THSD4: variants seen among roughly 807,000 people sequenced by gnomAD.
THSD4 encodes the protein thrombospondin type-1 domain-containing protein 4.
In THSD4, 69 loss-of-function variants were observed where a neutral mutation model predicts 119.0. The ratio of observed to expected loss-of-function variants is 0.58; its 90% CI spans 0.48 to 0.71. The LOEUF (loss-of-function observed/expected upper bound fraction) is 0.71, where lower values mean the gene tolerates loss of function less well. THSD4 is among the 30% of genes least tolerant of loss of function. THSD4 has a pLI of 0.00. For synonymous variants in THSD4, 524 were observed against 540.4 expected, an observed-to-expected ratio of 0.97 and a Z score of 0.42; for missense variants, 1,393 against 1,391.1, an observed-to-expected ratio of 1.00 and a Z score of -0.02.
At chr15:71,124,255 T>C (rs1364264470) in intron 1 of THSD4, among the ~76,000 whole-genome samples, 2 of 152,238 alleles carry the variant, frequency 1.3e-5, no homozygotes, top group Non-Finnish European at 2.9e-5. Context: ...AATAGATAAA[T>C]GAACAGGCAG....
intron 7 of THSD4, among the ~76,000 whole-genome samples, chr15:71,469,856 G>GGTCTTTGT (rs1406161877): frequency 6.6e-6 from 1 of 152,130 alleles, no homozygotes; most frequent in Non-Finnish European, 1.5e-5. Flanking sequence ...TGTGCTAAAT[G>GGTCTTTGT]ATATACAAAG....
chr15:71,300,931 A>G (rs151294347), intron 6 of THSD4, among the ~76,000 whole-genome samples: 51 of 152,334 alleles, frequency 3.3e-4, no homozygotes, highest in Admixed American at 6.5e-4. Context: ...TCGTTGTCCA[A>G]AGGAATATGG....
At chr15:71,263,986 G>A (rs1444955828) in intron 6 of THSD4, among the ~76,000 whole-genome samples, 1 of 152,224 alleles carries the variant, frequency 6.6e-6, no homozygotes, top group Non-Finnish European at 1.5e-5. Flanking sequence ...CCACCACACA[G>A]TCTGATATCC....
At chr15:71,347,590 G>C (rs917352842) in intron 6 of THSD4, among the ~76,000 whole-genome samples, 1 of 152,120 alleles carries the variant, frequency 6.6e-6, no homozygotes, top group Non-Finnish European at 1.5e-5. Flanking sequence ...GGATCCTCCT[G>C]GTCCTCTTTA....
chr15:71,773,094 A>G (rs2053849515), intron 17 of THSD4, among the ~76,000 whole-genome samples: 1 of 150,370 alleles, frequency 6.7e-6, no homozygotes, highest in Non-Finnish European at 1.5e-5. Flanking sequence ...CCGGCTAATT[A>G]GGAAGCTGAG....
chr15:71,514,565 A>T lies in THSD4; in HGVS notation c.1152+102742A>T, dbSNP rs2140766944. On this transcript the variant is annotated intron_variant, in intron 7 of 17. Transcript: ENST00000261862. ...TGAGATCCATCCATGGTATTGAATC[A>T]GTTTGTTTTTTGTTGCTGAGTAAAC... Among the ~76,000 whole-genome samples, 2 of 152,302 alleles carry T rather than the reference A, an allele frequency of 1.3e-5. 1 individual carries two copies. Among genetic ancestry groups the T allele is most frequent in the South Asian group, 4.2e-4 (2 of 4,818 alleles).
In THSD4 at chr15:71,778,811, T is replaced by C. The variant is rs2053957048; in HGVS notation, c.*1437T>C. 6.6e-6 allele frequency: 1 copy of C among 152,254 alleles called. No individual in the cohort carries two copies. Among genetic ancestry groups the C allele is most frequent in the African/African-American group, 2.4e-5 (1 of 41,448 alleles). 9.4% of individuals were successfully genotyped at this position (152,254 alleles called of 1,614,324 possible). A position where few individuals can be genotyped will look rare whatever the true frequency, so the allele number is the denominator to read the frequency against. On this transcript the variant is annotated 3_prime_UTR_variant, in exon 18 of 18. Transcript: ENST00000261862. The stretch of plus-strand genomic sequence containing the variant: ...AATTCACTTTCCCCAACTATCCAGT[T>C]CCAGAGGCCGCAGGCCTGGAAGGAT...
At chr15:71,668,976 T>G (rs1170737281) in intron 8 of THSD4, among the ~76,000 whole-genome samples, 2 of 152,244 alleles carry the variant, frequency 1.3e-5, no homozygotes, top group Non-Finnish European at 2.9e-5. Context: ...TATCCTAATA[T>G]GTATATCTTT....
chr15:71,317,090 G>C (rs530395801), intron 6 of THSD4, among the ~76,000 whole-genome samples: 1 of 152,164 alleles, frequency 6.6e-6, no homozygotes, highest in African/African-American at 2.4e-5. Context: ...ACTGCTAAGG[G>C]AGAATTTTCA....
At chr15:71,713,444 G>C (rs2052552213) in intron 8 of THSD4, among the ~76,000 whole-genome samples, 1 of 152,220 alleles carries the variant, frequency 6.6e-6, no homozygotes, top group Non-Finnish European at 1.5e-5. Context: ...TTCAGCAGCT[G>C]TTGCCCCTTG....
At chr15:71,210,794 A>G (rs935819742) in intron 3 of THSD4, among the ~76,000 whole-genome samples, 1 of 152,118 alleles carries the variant, frequency 6.6e-6, no homozygotes, top group African/African-American at 2.4e-5. Context: ...GTTCCTTTTA[A>G]CAGATATGAA....
At chr15:71,236,159 C>A (rs2044103739) in intron 4 of THSD4, among the ~76,000 whole-genome samples, 1 of 152,106 alleles carries the variant, frequency 6.6e-6, no homozygotes, top group African/African-American at 2.4e-5. Flanking sequence ...TGCCTGAGCT[C>A]TAAGGGAAAA....
chr15:71,575,103 C>G (rs2049425350), intron 7 of THSD4, among the ~76,000 whole-genome samples: 1 of 93,958 alleles, frequency 1.1e-5, no homozygotes, highest in Admixed American at 1.1e-4. Context: ...TTTTACTGCA[C>G]CATGGGAGAG....
chr15:71,239,737 G>A (rs776965789), intron 4 of THSD4, among the ~76,000 whole-genome samples: 3 of 152,194 alleles, frequency 2.0e-5, no homozygotes, highest in Non-Finnish European at 4.4e-5. Flanking sequence ...CGCCACATCT[G>A]TACTTATCAT....
At chr15:71,578,648 C>T (rs897335895) in intron 7 of THSD4, among the ~76,000 whole-genome samples, 5 of 151,818 alleles carry the variant, frequency 3.3e-5, no homozygotes, top group Admixed American at 2.6e-4. Context: ...ATAGTATACT[C>T]TTAAGTGTAC....
chr15:71,588,517 A>C (rs1261061107), intron 7 of THSD4, among the ~76,000 whole-genome samples: 1 of 151,908 alleles, frequency 6.6e-6, no homozygotes, highest in Non-Finnish European at 1.5e-5. Context: ...TCGACCTCCT[A>C]AGCTCAGGTG....
At chr15:71,757,090 C>A (rs536659810) in intron 14 of THSD4, among the ~76,000 whole-genome samples, 1 of 152,260 alleles carries the variant, frequency 6.6e-6, no homozygotes, top group South Asian at 2.1e-4. Context: ...GTCTCCATAG[C>A]CCTGTCAGAA....
intron 7 of THSD4, among the ~76,000 whole-genome samples, chr15:71,437,353 T>C (rs2047026316): frequency 1.3e-5 from 2 of 152,308 alleles, no homozygotes; most frequent in South Asian, 2.1e-4. Context: ...ATCCAAACCA[T>C]ATCAGGCACC....
chr15:71,359,788 A>G (rs1049779539), intron 6 of THSD4, among the ~76,000 whole-genome samples: 8 of 152,230 alleles, frequency 5.3e-5, no homozygotes, highest in Admixed American at 6.5e-5. Flanking sequence ...CCAGCCTGAG[A>G]TCATGCCGGT....
Sources: allele counts gnomAD v4.1 joint callset (sites outside exome capture counted in the v4.1 genomes callset), GRCh38; gene constraint gnomAD v4.1.1; transcripts MANE v1.5; gene names NCBI Gene and HGNC (gene_info 2026-07-23, HGNC 2026-07-21).